Variants in PAK4 observed in about 807,000 individuals in gnomAD.
PAK4 encodes the protein p21 (RAC1) activated kinase 4.
In PAK4, 49 loss-of-function variants were observed where a neutral mutation model predicts 53.5. The ratio of observed to expected loss-of-function variants is 0.92; its 90% CI spans 0.73 to 1.16. The LOEUF (loss-of-function observed/expected upper bound fraction) is 1.16, where lower values mean the gene tolerates loss of function less well. PAK4 is among the 50% of genes most tolerant of loss of function. The probability of loss-of-function intolerance (pLI) is 0.00; values close to 1 mark genes in which losing one functional copy is unlikely to be tolerated. For synonymous variants in PAK4, 376 were observed against 375.6 expected (o/e 1.00, Z -0.01); for missense variants, 824 against 850.7 (o/e 0.97, Z 0.39).
intron 1 of PAK4, among the ~76,000 whole-genome samples, chr19:39,141,520 T>G (rs1196350255): frequency 6.6e-6 from 1 of 151,942 alleles, no homozygotes; most frequent in South Asian, 2.1e-4. Context: ...CTCACCATAT[T>G]GATCAGGCTG....
chr19:39,148,307 C>T (rs570481797), intron 1 of PAK4, among the ~76,000 whole-genome samples: 3 of 151,890 alleles, frequency 2.0e-5, no homozygotes, highest in South Asian at 4.2e-4. Context: ...CAAATATTCT[C>T]TCCCAGTTTG....
intron 1 of PAK4, among the ~76,000 whole-genome samples, chr19:39,128,274 T>A (rs1344144924): frequency 6.6e-6 from 1 of 152,178 alleles, no homozygotes; most frequent in Non-Finnish European, 1.5e-5. Context: ...GTCTTGCTGC[T>A]GCTGCTGCTG....
chr19:39,132,122 G>C (rs995152522), intron 1 of PAK4, among the ~76,000 whole-genome samples: 2 of 152,248 alleles, frequency 1.3e-5, no homozygotes, highest in Non-Finnish European at 2.9e-5. Context: ...CGTGTGCTGT[G>C]AGTCTATGAG....
chr19:39,126,255 CA>C (rs1951415966), intron 1 of PAK4, among the ~76,000 whole-genome samples: 3 of 152,070 alleles, frequency 2.0e-5, no homozygotes, highest in Admixed American at 2.0e-4. Context: ...GTCACAGCCC[CA>C]GGGGCGCCAG....
intron 1 of PAK4, among the ~76,000 whole-genome samples, chr19:39,157,981 A>G (rs2074214086): frequency 6.6e-6 from 1 of 152,074 alleles, no homozygotes; most frequent in South Asian, 2.1e-4. Flanking sequence ...ATGTCCTCAC[A>G]TGCATCTGTG....
intron 1 of PAK4, 185 bp from the exon 2 acceptor site, chr19:39,168,045 C>T (rs956065764): frequency 7.9e-5 from 12 of 152,330 alleles, no homozygotes; most frequent in African/African-American, 2.9e-4. Context: ...GCTCCCGTCC[C>T]CCAGCCCTGA....
rs752759434 is a variant in PAK4, at chr19:39,173,041, C to G, written c.328C>G (p.Arg110Gly). 2 of 1,549,102 alleles carry G rather than the reference C, an allele frequency of 1.3e-6. No homozygotes were observed. Among genetic ancestry groups the G allele is most frequent in the African/African-American group, 2.7e-5 (2 of 73,118 alleles). ...GAGAGACAGCCCGCCGCCGCCCGCC[C>G]GTGCCCGCCAGGAAAATGGGATGCC... Residue 110 changes from arginine to glycine, a missense_variant, in exon 3 of 9, where the codon CGT becomes GGT. Physicochemically the swap from Arg to Gly is moderately radical, Grantham distance 125. Around this residue, in one of 2 missense-constraint regions of PAK4, gnomAD observed 478 missense variants for 435.8 expected, o/e 1.10. Transcript: ENST00000358301. This position sits in a 1 kb window ranked among gnomAD's most constrained non-coding sequence, Gnocchi z 6.9.
intron 1 of PAK4, among the ~76,000 whole-genome samples, chr19:39,153,234 C>A (rs2074122412): frequency 6.6e-6 from 1 of 152,126 alleles, no homozygotes; most frequent in Non-Finnish European, 1.5e-5. Flanking sequence ...CAGTCCCTCC[C>A]TTCCCCCAGA....
chr19:39,155,164 G>T (rs555406182), intron 1 of PAK4, among the ~76,000 whole-genome samples: 61 of 152,278 alleles, frequency 4.0e-4, no homozygotes, highest in African/African-American at 1.5e-3. Flanking sequence ...CTGGGTCCGG[G>T]CACCCAGCAG....
Position 39,173,680 on chromosome 19 carries a change from C to A in PAK4, c.768C>A (p.Ala256=). ...GGCCTCCCACCCGAGCCCGAGGTGCCCCCAGCCCTGGAGTGCTGGGACCCC... is the reference window on the plus strand; with the variant it reads ...GGCCTCCCACCCGAGCCCGAGGTGCACCCAGCCCTGGAGTGCTGGGACCCC... The change falls in exon 4 of 9, where the codon GCC becomes GCA. Residue 256 remains alanine (A), a synonymous_variant. Coordinates refer to ENST00000358301, the Ensembl canonical transcript of PAK4. The surrounding 1 kb of genome is among the most constrained non-coding windows in gnomAD (Gnocchi z 6.9). 6.3e-7 allele frequency: 1 copy of A among 1,588,416 alleles called. No homozygotes were observed. Among genetic ancestry groups the A allele is most frequent in the East Asian group, 2.3e-5 (1 of 43,762 alleles).
At chr19:39,163,805 T>TC (rs1169060927) in intron 1 of PAK4, among the ~76,000 whole-genome samples, 1 of 152,158 alleles carries the variant, frequency 6.6e-6, no homozygotes, top group Non-Finnish European at 1.5e-5. Context: ...CTGAAAGATT[T>TC]CCCGGGTGCT....
rs755902447 is a variant in PAK4, at chr19:39,173,167, C to T, written c.454C>T (p.Arg152Ter). Reference sequence around the variant, plus strand: ...GGCGGGTGGCGGCAGTGGTGACAGGCGACGGGCGGGGCCAGAGAAGAGGCC... The same window carrying T: ...GGCGGGTGGCGGCAGTGGTGACAGGTGACGGGCGGGGCCAGAGAAGAGGCC... The change falls in exon 3 of 9, where the codon CGA (arginine) becomes TGA (stop). Residue 152 changes from arginine to a stop codon, truncating the protein, a stop_gained. Transcript: ENST00000358301. LOFTEE classifies it high-confidence loss of function. This position sits in a 1 kb window ranked among gnomAD's most constrained non-coding sequence, Gnocchi z 6.9. 34 of 1,539,584 alleles carry T rather than the reference C, an allele frequency of 2.2e-5. No homozygotes were observed. The highest frequency in any genetic ancestry group is 2.5e-5 in the Non-Finnish European group (29 of 1,140,518).
At chr19:39,136,156 C>T (rs374520521) in intron 1 of PAK4, among the ~76,000 whole-genome samples, 3 of 137,902 alleles carry the variant, frequency 2.2e-5, no homozygotes, top group East Asian at 2.3e-4. Flanking sequence ...CCTTCTTCCT[C>T]GTGGCCCCCT....
chr19:39,177,763 AG>A lies in PAK4; in HGVS notation c.1575del (p.Met526Ter). On this transcript the variant is annotated frameshift_variant, in exon 8 of 9. Coordinates refer to ENST00000358301, the Ensembl canonical transcript of PAK4. LOFTEE classifies it high-confidence loss of function. The stretch of plus-strand genomic sequence containing the variant: ...AACGAGCCACCCCTCAAAGCCATGA[AG>A]ATGATTCGGGACAACCTGCCACCCC... The A allele has an allele frequency of 6.2e-7, 1 of 1,613,630 alleles. No individual in the cohort carries two copies. Among genetic ancestry groups the A allele is most frequent in the Non-Finnish European group, 8.5e-7 (1 of 1,179,642 alleles).
downstream of PAK4, chr19:39,181,087 GT>G (rs2074695989): frequency 6.6e-6 from 1 of 152,230 alleles, no homozygotes; most frequent in South Asian, 2.1e-4. Flanking sequence ...GTTTTGTTTT[GT>G]TTTGTTTTGA....
intron 1 of PAK4, among the ~76,000 whole-genome samples, chr19:39,127,119 T>TGGAGTCCGAGCAAG (rs2073599918): frequency 6.6e-6 from 1 of 152,064 alleles, no homozygotes; most frequent in African/African-American, 2.4e-5. Flanking sequence ...GTAGGTGGTC[T>TGGAGTCCGAGCAAG]GGAGTCCGAG....
At chr19:39,127,321 C>G (rs1021531794) in intron 1 of PAK4, among the ~76,000 whole-genome samples, 1 of 152,046 alleles carries the variant, frequency 6.6e-6, no homozygotes, top group Non-Finnish European at 1.5e-5. Flanking sequence ...CCATGCCTCC[C>G]GCCCGGTCTT....
Position 39,173,818 on chromosome 19 carries a change from G to A in PAK4, c.906G>A (p.Glu302=), listed in dbSNP as rs1247155696. The A allele has an allele frequency of 1.2e-6, 2 of 1,611,958 alleles. No homozygotes were observed. The highest frequency in any genetic ancestry group is 1.7e-5 in the Admixed American group (1 of 59,966). Reference sequence around the variant, plus strand: ...GGGAGCCACAGCGAGTATCCCATGAGCAGTTCCGGGCTGCCCTGCAGCTGG... The same window carrying A: ...GGGAGCCACAGCGAGTATCCCATGAACAGTTCCGGGCTGCCCTGCAGCTGG... The change falls in exon 4 of 9, where the codon GAG becomes GAA. Residue 302 remains glutamate, a synonymous_variant. Coordinates refer to ENST00000358301, the Ensembl canonical transcript of PAK4. This position sits in a 1 kb window ranked among gnomAD's most constrained non-coding sequence, Gnocchi z 6.9.
chr19:39,172,722 T>C (rs796711806), intron 2 of PAK4, among the ~76,000 whole-genome samples, 196 bp from the exon 4 acceptor site: 21 of 152,038 alleles, frequency 1.4e-4, no homozygotes, highest in African/African-American at 5.1e-4. Flanking sequence ...CGATCACTCC[T>C]CTGGCCCCTG....
Sources: allele counts gnomAD v4.1 joint callset (sites outside exome capture counted in the v4.1 genomes callset), GRCh38; gene constraint gnomAD v4.1.1; regional missense constraint gnomAD v4.1.1; non-coding constraint Gnocchi (gnomAD v3.1); transcripts MANE v1.5; gene names NCBI Gene and HGNC (gene_info 2026-07-23, HGNC 2026-07-21).